DHX29: variants seen among roughly 807,000 people sequenced by gnomAD.
The protein encoded by DHX29 is ATP-dependent RNA helicase DHX29.
Under a neutral mutation model 167.9 loss-of-function variants are expected in DHX29, and 79 were observed. The ratio of observed to expected loss-of-function variants is 0.47; its 90% CI spans 0.39 to 0.57. DHX29 has a LOEUF of 0.57. DHX29 is among the 20% of genes least tolerant of loss of function. The pLI, the probability that DHX29 is intolerant of heterozygous loss-of-function variation, is 0.00. For missense variants in DHX29, 1,347 were observed against 1,593.4 expected (o/e 0.85, Z 2.63); for synonymous variants, 530 against 546.0 (o/e 0.97, Z 0.41).
At position 55,292,909 on chromosome 5, in the gene DHX29, A is replaced by T. The variant is rs538509468; in HGVS notation, c.780+1108T>A. Among the ~76,000 whole-genome samples the T allele has an allele frequency of 2.6e-5, 4 of 152,284 alleles. No homozygotes were observed. The South Asian group carries it at 8.3e-4, about 32-fold the overall frequency. On this transcript the variant is annotated intron_variant, in intron 6 of 26. Coordinates refer to ENST00000251636, the MANE Select transcript of DHX29 (RefSeq NM_019030.4). ...GACCTCTTCTTTCTCCAAATCTCAA[A>T]GTAGACTTATACTGCCCTAAATATT... is the stretch of plus-strand genomic sequence containing the variant.
chr5:55,285,964 A>C, intron 8 of DHX29, 103 bp from the exon 9 acceptor site: 1 of 937,442 alleles, frequency 1.1e-6, no homozygotes, highest in East Asian at 2.8e-5. Context: ...TTTAGAAGAT[A>C]ATACTTGAGG....
Position 55,283,227 on chromosome 5 carries a change from G to C in DHX29, c.1941C>G (p.Gly647=). The change falls in exon 11 of 27, where the codon GGC becomes GGG. Residue 647 remains glycine, a synonymous_variant. Transcript: ENST00000251636. ...SLANRVCDEL[G]CENGPGGRNS... ...CCCTTCCTCCAGGTCCATTTTCACA[G>C]CCCAATTCATCACATACTCTGTTGG... The C allele has an allele frequency of 6.3e-7, 1 of 1,597,274 alleles. No individual in the cohort carries two copies. The highest frequency in any genetic ancestry group is 8.6e-7 in the Non-Finnish European group (1 of 1,168,936).
intron 8 of DHX29, among the ~76,000 whole-genome samples, chr5:55,288,933 A>C (rs1205969908): frequency 6.6e-6 from 1 of 152,220 alleles, no homozygotes; most frequent in Non-Finnish European, 1.5e-5. Flanking sequence ...CCATGCTAAA[A>C]GATTTGGACT....
rs543004208 is a variant in DHX29 at position 55,292,079 on chromosome 5, A to AT, written c.781-1736dup. On this transcript the variant is annotated intron_variant, in intron 6 of 26. Coordinates refer to ENST00000251636, the MANE Select transcript of DHX29 (RefSeq NM_019030.4). ...GGATCATATGGTAATTCAATTTTTA[A>AT]TTTTTTGAGGAACTACCAAACTGTT... 1.8e-4 allele frequency among the ~76,000 whole-genome samples: 27 copies of AT among 152,232 alleles called. No individual in the cohort carries two copies. The South Asian group carries it at 3.5e-3, about 20-fold the overall frequency.
chr5:55,301,205 G>C (rs1016074876), intron 1 of DHX29, among the ~76,000 whole-genome samples: 1 of 152,088 alleles, frequency 6.6e-6, no homozygotes, highest in Non-Finnish European at 1.5e-5. Flanking sequence ...CATTCAGTTC[G>C]TAACATCTAG....
chr5:55,274,755 T>G (rs1019399937), intron 15 of DHX29, 24 bp from the exon 16 acceptor site: 4 of 1,569,224 alleles, frequency 2.5e-6, no homozygotes, highest in Non-Finnish European at 3.4e-6. Flanking sequence ...AAAGATACAA[T>G]ATTCAAAATA....
intron 10 of DHX29, among the ~76,000 whole-genome samples, chr5:55,284,335 A>C (rs900463632): frequency 1.3e-5 from 2 of 152,238 alleles, no homozygotes; most frequent in Non-Finnish European, 2.9e-5. Flanking sequence ...GCAGTTGTAT[A>C]ATGTTACAGG....
intron 1 of DHX29, among the ~76,000 whole-genome samples, chr5:55,305,920 G>C (rs1277334017): frequency 6.6e-6 from 1 of 152,144 alleles, no homozygotes; most frequent in East Asian, 1.9e-4. Flanking sequence ...AGGGCTTTAG[G>C]AGTGAACTAT....
intron 7 of DHX29, 127 bp from the exon 8 acceptor site, chr5:55,289,555 A>AT: frequency 1.4e-6 from 1 of 713,824 alleles, no homozygotes; most frequent in Non-Finnish European, 2.0e-6. Context: ...TTTTAAAATG[A>AT]TTAAAAAAAA....
In DHX29 at chr5:55,297,354, G is replaced by A; in HGVS notation, c.306C>T (p.Ile102=). The A allele has an allele frequency of 6.3e-7, 1 of 1,586,200 alleles. No individual in the cohort carries two copies. The highest frequency in any genetic ancestry group is 1.1e-5 in the South Asian group (1 of 89,746). ...NKLEQRIIGV[I]NEHKKQNNDK... is the part of the protein sequence containing the mutation. Reference sequence around the variant, plus strand: ...CATTATTTTGCTTTTTATGCTCATTGATCACTCCAATAATTCTTTGCTCTA... The same window carrying A: ...CATTATTTTGCTTTTTATGCTCATTAATCACTCCAATAATTCTTTGCTCTA... The change falls in exon 3 of 27, where the codon ATC becomes ATT. Residue 102 remains isoleucine, a synonymous_variant. Transcript: ENST00000251636.
At chr5:55,296,550 A>T (rs1394425797) in intron 3 of DHX29, among the ~76,000 whole-genome samples, 1 of 152,190 alleles carries the variant, frequency 6.6e-6, no homozygotes, top group East Asian at 1.9e-4. Flanking sequence ...GAACCAGGAG[A>T]AATTATCCAT....
intron 23 of DHX29, among the ~76,000 whole-genome samples, chr5:55,264,644 G>C (rs1366750379): frequency 6.6e-6 from 1 of 152,090 alleles, no homozygotes; most frequent in East Asian, 1.9e-4. Context: ...ACTTCCCAAA[G>C]AGGGGACAAT....
intron 11 of DHX29, among the ~76,000 whole-genome samples, chr5:55,281,782 A>T (rs1377384954): frequency 6.6e-6 from 1 of 151,904 alleles, no homozygotes; most frequent in Admixed American, 6.6e-5. Context: ...TTGAACAGAA[A>T]AACTTTTTTT....
chr5:55,274,217 G>A (rs573010594), intron 16 of DHX29, among the ~76,000 whole-genome samples: 54 of 151,860 alleles, frequency 3.6e-4, no homozygotes, highest in African/African-American at 1.3e-3. Flanking sequence ...AACAGGGGGA[G>A]ACCTTGTCTC....
At position 55,262,711 on chromosome 5, in the gene DHX29, C is replaced by T. The variant is rs141879831; in HGVS notation, c.3747G>A (p.Thr1249=). ...VTEKLACIVE[T]AQGKAQVHPS... is the part of the protein sequence containing the mutation. ...GGTGTACTTGTGCTTTGCCTTGGGC[C>T]GTCTCCACAATGCAAGCCAATTTTT... is the stretch of plus-strand genomic sequence containing the variant. The change falls in exon 24 of 27, where the codon ACG becomes ACA. Residue 1249 remains threonine, a synonymous_variant. Coordinates refer to ENST00000251636, the MANE Select transcript of DHX29 (RefSeq NM_019030.4). 21 of 1,613,900 alleles carry T rather than the reference C, an allele frequency of 1.3e-5. No homozygotes were observed. The highest frequency in any genetic ancestry group is 2.2e-5 in the East Asian group (1 of 44,880).
intron 1 of DHX29, among the ~76,000 whole-genome samples, chr5:55,300,374 C>A (rs1748538328): frequency 6.7e-6 from 1 of 149,364 alleles, no homozygotes. Context: ...GACCCTGTCT[C>A]TAATAATAAT....
intron 6 of DHX29, among the ~76,000 whole-genome samples, chr5:55,292,019 A>G (rs1231332325): frequency 6.6e-6 from 1 of 152,144 alleles, no homozygotes; most frequent in Non-Finnish European, 1.5e-5. Context: ...TCTGCTTTCA[A>G]TTCTTTTGAG....
Position 55,273,732 on chromosome 5 carries a change from G to A in DHX29, c.2691-355C>T, listed in dbSNP as rs113078990. 1.1e-4 allele frequency among the ~76,000 whole-genome samples: 16 copies of A among 152,122 alleles called. No individual in the cohort carries two copies. In the East Asian group the frequency reaches 2.1e-3, roughly 20 times the overall value. On this transcript the variant is annotated intron_variant, in intron 16 of 26. Transcript: ENST00000251636. ...TGGTTGGAGTTTTGCACGATTTAGCGGGTTGGCAGGAGTCACCATCTTACT... is the reference window on the plus strand; with the variant it reads ...TGGTTGGAGTTTTGCACGATTTAGCAGGTTGGCAGGAGTCACCATCTTACT...
intron 5 of DHX29, among the ~76,000 whole-genome samples, chr5:55,294,518 CA>C (rs541836903): frequency 6.6e-6 from 1 of 152,152 alleles, no homozygotes; most frequent in African/African-American, 2.4e-5. Flanking sequence ...ACTAAAAATA[CA>C]AAAAAATTAG....
Sources: gnomAD v4.1 joint callset for allele counts (sites outside exome capture counted in the v4.1 genomes callset) on GRCh38, gnomAD v4.1.1 for gene constraint, MANE v1.5 for transcripts, NCBI Gene and HGNC (gene_info 2026-07-23, HGNC 2026-07-21) for gene names.